Variants in ZBTB1 observed in about 807,000 individuals in gnomAD.
The protein encoded by ZBTB1 is zinc finger and BTB domain-containing protein 1.
ZBTB1 carries 13 observed loss-of-function variants against 51.6 expected under a neutral mutation model. The ratio of observed to expected loss-of-function variants is 0.25; its 90% CI spans 0.16 to 0.40. The LOEUF (loss-of-function observed/expected upper bound fraction) is 0.40, where lower values mean the gene tolerates loss of function less well. Among genes scored for constraint, ZBTB1 ranks in the 10% least tolerant of loss-of-function variants. The probability of loss-of-function intolerance (pLI) is 1.00; values close to 1 mark genes in which losing one functional copy is unlikely to be tolerated. For synonymous variants in ZBTB1, 240 were observed against 282.2 expected (o/e 0.85, Z 1.50); for missense variants, 567 against 856.5 (o/e 0.66, Z 4.22).
At chr14:64,519,622 A>C (rs1038142231) in intron 1 of ZBTB1, among the ~76,000 whole-genome samples, 25 of 150,814 alleles carry the variant, frequency 1.7e-4, no homozygotes, top group Admixed American at 6.6e-4. Flanking sequence ...AAAAAAAAAA[A>C]CAAAAAAAAA....
At chr14:64,532,702 A>C (rs2079951330) in exon 3 of ZBTB1, 1 of 152,112 alleles carries the variant, frequency 6.6e-6, no homozygotes, top group African/African-American at 2.4e-5. Context: ...CTTATTCTCA[A>C]TATTTATGTA....
Position 64,523,806 on chromosome 14 carries a change from A to G in ZBTB1, c.*160A>G, listed in dbSNP as rs1348500845. 1 of 1,328,540 alleles carries G rather than the reference A, an allele frequency of 7.5e-7. No individual in the cohort carries two copies. The highest frequency in any genetic ancestry group is 9.7e-7 in the Non-Finnish European group (1 of 1,027,192). The allele number at this position is 1,328,540 out of a possible 1,614,324, so 82.3% of individuals were successfully genotyped here. A position where few individuals can be genotyped will look rare whatever the true frequency, so the allele number is the denominator to read the frequency against. On this transcript the variant is annotated 3_prime_UTR_variant, in exon 2 of 2. Transcript: ENST00000683701. This position sits in a 1 kb window ranked among gnomAD's most constrained non-coding sequence, Gnocchi z 4.5. ...TTTGTTTAGGATTTTAAGTATCTAC[A>G]TTTAGGTATTAAATGTTTATCATTT... is the stretch of plus-strand genomic sequence containing the variant.
Position 64,531,308 on chromosome 14 carries a change from T to C in ZBTB1, c.1899-553T>C, listed in dbSNP as rs60531860. 5.6e-4 allele frequency among the ~76,000 whole-genome samples: 86 copies of C among 152,258 alleles called. 2 individuals are homozygous for C. In the East Asian group the frequency reaches 0.016, roughly 29 times the overall value. ...ACTGTTGCCAAAAATATAATTTTAC[T>C]CAGAATCACTAGGGCAGATTAGGAG... On this transcript the variant is annotated intron_variant, in intron 2 of 2. Coordinates refer to the ZBTB1 transcript ENST00000358738.
At chr14:64,515,740 C>T (rs540952479) in intron 1 of ZBTB1, among the ~76,000 whole-genome samples, 3 of 152,126 alleles carry the variant, frequency 2.0e-5, no homozygotes, top group African/African-American at 4.8e-5. Flanking sequence ...CAGGATGGCT[C>T]GATTTCCTGA....
chr14:64,530,217 G>T (rs2079932824), intron 2 of ZBTB1, among the ~76,000 whole-genome samples: 1 of 152,196 alleles, frequency 6.6e-6, no homozygotes, highest in African/African-American at 2.4e-5. Flanking sequence ...GAGAACAGAA[G>T]AATGAGATTG....
At chr14:64,508,415 C>T (rs1401040241) in intron 1 of ZBTB1, among the ~76,000 whole-genome samples, 1 of 152,128 alleles carries the variant, frequency 6.6e-6, no homozygotes, top group Non-Finnish European at 1.5e-5. Context: ...AGGGACTGGA[C>T]ATTCTTCCTG....
downstream of ZBTB1, among the ~76,000 whole-genome samples, chr14:64,526,796 A>G (rs1596704637): frequency 6.6e-6 from 1 of 152,024 alleles, no homozygotes. Context: ...AGTTCCGGCT[A>G]CTCGGGAGGC....
intron 1 of ZBTB1, among the ~76,000 whole-genome samples, chr14:64,520,245 C>T (rs868159521): frequency 3.3e-5 from 5 of 152,084 alleles, no homozygotes; most frequent in East Asian, 1.9e-4. Flanking sequence ...CCTCGTGATC[C>T]GCCCGCCTCG....
chr14:64,524,476 T>C lies in ZBTB1; in HGVS notation c.*830T>C, dbSNP rs2079887997. On this transcript the variant is annotated 3_prime_UTR_variant, in exon 2 of 2. Coordinates refer to ENST00000683701, the MANE Select transcript of ZBTB1 (RefSeq NM_001123329.2). ...TTAAAATATTCTGATTTCTAAAGTG[T>C]GTTAGCTTATCAATTATTTTTGTTT... The C allele has an allele frequency of 1.2e-6, 1 of 847,776 alleles. No individual in the cohort carries two copies. The highest frequency in any genetic ancestry group is 6.2e-5 in the Admixed American group (1 of 16,086). The allele number at this position is 847,776 out of a possible 1,614,324, so 52.5% of individuals were successfully genotyped here. A position where few individuals can be genotyped will look rare whatever the true frequency, so the allele number is the denominator to read the frequency against.
chr14:64,525,317 A>C (rs556025255), downstream of ZBTB1, among the ~76,000 whole-genome samples: 5 of 152,340 alleles, frequency 3.3e-5, no homozygotes, highest in South Asian at 1.0e-3. Context: ...AATACACACA[A>C]AAATTAAAAA....
intron 1 of ZBTB1, among the ~76,000 whole-genome samples, chr14:64,519,093 G>A (rs58893738): frequency 0.17 from 25,761 of 149,284 alleles, 2,549 homozygotes; most frequent in Non-Finnish European, 0.22. Context: ...GAAAAGAGGT[G>A]TGTGATCTGA....
downstream of ZBTB1, among the ~76,000 whole-genome samples, chr14:64,528,242 A>AGAG (rs2079917928): frequency 6.6e-6 from 1 of 152,158 alleles, no homozygotes; most frequent in Non-Finnish European, 1.5e-5. Flanking sequence ...AAAGAAAAAA[A>AGAG]TCTGAGTGTA....
chr14:64,514,834 G>A (rs2079764243), intron 1 of ZBTB1, among the ~76,000 whole-genome samples: 1 of 152,102 alleles, frequency 6.6e-6, no homozygotes, highest in Admixed American at 6.5e-5. Context: ...CATATATAGA[G>A]GTTATTACTA....
At chr14:64,531,546 ACTT>A (rs1207823054) in intron 2 of ZBTB1, among the ~76,000 whole-genome samples, 1 of 152,192 alleles carries the variant, frequency 6.6e-6, no homozygotes, top group African/African-American at 2.4e-5. Context: ...GAAGGAAAAC[ACTT>A]CTTAACTGCT....
At chr14:64,505,536 G>A (rs2079638921) in intron 1 of ZBTB1, among the ~76,000 whole-genome samples, 1 of 152,258 alleles carries the variant, frequency 6.6e-6, no homozygotes, top group African/African-American at 2.4e-5. Flanking sequence ...CTTGGGAAGG[G>A]AGTGCTTTCG....
chr14:64,523,670 T>G lies in ZBTB1; in HGVS notation c.*24T>G. 6.6e-7 allele frequency: 1 copy of G among 1,519,558 alleles called. No homozygotes were observed. The allele number at this position is 1,519,558 out of a possible 1,614,324, so 94.1% of individuals were successfully genotyped here. On this transcript the variant is annotated 3_prime_UTR_variant, in exon 2 of 2. Coordinates refer to ENST00000683701, the MANE Select transcript of ZBTB1 (RefSeq NM_001123329.2). The surrounding 1 kb of genome is among the most constrained non-coding windows in gnomAD (Gnocchi z 4.5). ...GAGTGATTTTCTACTGTACTAATGTTTAGATGATAGCAGATAAAACACCAA... is the reference window on the plus strand; with the variant it reads ...GAGTGATTTTCTACTGTACTAATGTGTAGATGATAGCAGATAAAACACCAA...
chr14:64,523,713 A>G lies in ZBTB1; in HGVS notation c.*67A>G, dbSNP rs1182171221. 1.4e-6 allele frequency: 2 copies of G among 1,442,934 alleles called. No homozygotes were observed. Among genetic ancestry groups the G allele is most frequent in the Non-Finnish European group, 1.8e-6 (2 of 1,097,036 alleles). The allele number at this position is 1,442,934 out of a possible 1,614,324, so 89.4% of individuals were successfully genotyped here. A position where few individuals can be genotyped will look rare whatever the true frequency, so the allele number is the denominator to read the frequency against. ...AACACCAAAGCAAAGGATATGAGCT[A>G]TTTAGGAATTGATTATATAAGATGA... is the stretch of plus-strand genomic sequence containing the variant. On this transcript the variant is annotated 3_prime_UTR_variant, in exon 2 of 2. Transcript: ENST00000683701. This position sits in a 1 kb window ranked among gnomAD's most constrained non-coding sequence, Gnocchi z 4.5.
At chr14:64,518,904 G>GTATATATATATATATATATA (rs71123855) in intron 1 of ZBTB1, among the ~76,000 whole-genome samples, 185 of 95,078 alleles carry the variant, frequency 1.9e-3, no homozygotes, top group African/African-American at 2.8e-3. Context: ...TTGCAGAGAG[G>GTATATATATATATATATATA]TATATATATA....
Position 64,523,335 on chromosome 14 carries a change from T to C in ZBTB1, c.1831T>C (p.Cys611Arg). The C allele has an allele frequency of 6.2e-7, 1 of 1,614,194 alleles. No homozygotes were observed. Among genetic ancestry groups the C allele is most frequent in the Non-Finnish European group, 8.5e-7 (1 of 1,180,020 alleles). The change falls in exon 2 of 2, where the codon TGT becomes CGT. Residue 611 changes from cysteine to arginine, a missense_variant. Physicochemically the swap from Cys to Arg is radical, Grantham distance 180 (BLOSUM62 -3). Transcript: ENST00000683701. The surrounding 1 kb of genome is among the most constrained non-coding windows in gnomAD (Gnocchi z 4.5). ...GGAAAAACAGTTTGTTTGTCAAACA[T>C]GTGGAAAGCAGTTTTTAAGAGAGCG... ...TKEKQFVCQTCGKQFLRERQL... is the reference protein window; with the variant it reads ...TKEKQFVCQTRGKQFLRERQL...
Sources: gnomAD v4.1 joint callset for allele counts (sites outside exome capture counted in the v4.1 genomes callset) on GRCh38, gnomAD v4.1.1 for gene constraint, Gnocchi (gnomAD v3.1) non-coding constraint, MANE v1.5 for transcripts, NCBI Gene and HGNC (gene_info 2026-07-23, HGNC 2026-07-21) for gene names.